FLRT1: variants seen among roughly 807,000 people sequenced by gnomAD.
FLRT1 encodes the protein fibronectin leucine rich transmembrane protein 1.
Under a neutral mutation model 30.9 loss-of-function variants are expected in FLRT1, and 14 were observed. The observed-to-expected ratio is 0.45, with a 90% CI of 0.30 to 0.71. The LOEUF is 0.71. Among genes scored for constraint, FLRT1 ranks in the 30% least tolerant of loss-of-function variants. The pLI, the probability that FLRT1 is intolerant of heterozygous loss-of-function variation, is 0.08. For missense variants in FLRT1, 737 were observed against 949.2 expected (o/e 0.78, Z 2.94); for synonymous variants, 368 against 430.4 (o/e 0.85, Z 1.80).
chr11:64,098,022 C>T (rs1944608223), intron 1 of FLRT1, among the ~76,000 whole-genome samples: 1 of 152,164 alleles, frequency 6.6e-6, no homozygotes, highest in African/African-American at 2.4e-5. Context: ...CCCTTCAACC[C>T]CTCACTGTAT....
At position 64,116,953 on chromosome 11, in the gene FLRT1, T is replaced by A; in HGVS notation, c.686T>A (p.Leu229Gln). Reference sequence around the variant, plus strand: ...CTCAACAGCCTGCGGCGCCTGGTGCTGGACGGTAACCTGCTGGCCAACCAG... The same window carrying A: ...CTCAACAGCCTGCGGCGCCTGGTGCAGGACGGTAACCTGCTGGCCAACCAG... ...KGLNSLRRLV[L>Q]DGNLLANQRI... The change falls in exon 3 of 3, where the codon CTG (leucine) becomes CAG (glutamine). Residue 229 changes from leucine (L) to glutamine (Q), a missense_variant. By Grantham distance (113) the Leu-to-Gln change is moderately radical. Coordinates refer to ENST00000682287, the MANE Select transcript of FLRT1 (RefSeq NM_013280.5). 1 of 1,611,760 alleles carries A rather than the reference T, an allele frequency of 6.2e-7. No homozygotes were observed. The highest frequency in any genetic ancestry group is 8.5e-7 in the Non-Finnish European group (1 of 1,179,992).
intron 1 of FLRT1, among the ~76,000 whole-genome samples, chr11:64,088,382 G>T (rs1198563822): frequency 6.6e-6 from 1 of 152,174 alleles, no homozygotes; most frequent in Non-Finnish European, 1.5e-5. Flanking sequence ...CTGTCTGCGG[G>T]CCTCGGGGTC....
intron 1 of FLRT1, among the ~76,000 whole-genome samples, chr11:64,051,532 G>T (rs1435826917): frequency 1.3e-5 from 2 of 152,216 alleles, no homozygotes; most frequent in Non-Finnish European, 2.9e-5. Context: ...AGAGCTGTCG[G>T]CCGGGCAGGC....
intron 1 of FLRT1, among the ~76,000 whole-genome samples, chr11:64,080,292 C>T (rs147600028): frequency 0.042 from 6,458 of 152,244 alleles, 451 homozygotes; most frequent in African/African-American, 0.15. Flanking sequence ...GGATTACAGA[C>T]GTGAGCCACT....
At chr11:64,087,478 A>G (rs959808731) in intron 1 of FLRT1, among the ~76,000 whole-genome samples, 2 of 152,206 alleles carry the variant, frequency 1.3e-5, no homozygotes, top group African/African-American at 4.8e-5. Context: ...GGCAGGGTCC[A>G]GTTGGCCACA....
intron 1 of FLRT1, among the ~76,000 whole-genome samples, chr11:64,055,916 G>T (rs1943777003): frequency 6.6e-6 from 1 of 152,214 alleles, no homozygotes; most frequent in Non-Finnish European, 1.5e-5. Context: ...GCAGGTGAGG[G>T]ACAGATGCCA....
At chr11:64,069,631 T>C (rs919625654) in intron 1 of FLRT1, among the ~76,000 whole-genome samples, 2 of 152,014 alleles carry the variant, frequency 1.3e-5, no homozygotes, top group African/African-American at 2.4e-5. Flanking sequence ...TGCAGTGGCC[T>C]GACCCCATCC....
chr11:64,070,603 C>T (rs1944090262), intron 1 of FLRT1, among the ~76,000 whole-genome samples: 1 of 152,202 alleles, frequency 6.6e-6, no homozygotes, highest in Non-Finnish European at 1.5e-5. Context: ...GGAGGGGCCC[C>T]CTTCCCAGAG....
intron 2 of FLRT1, among the ~76,000 whole-genome samples, chr11:64,110,774 G>A (rs149468798): frequency 2.6e-5 from 4 of 152,196 alleles, no homozygotes; most frequent in African/African-American, 4.8e-5. Context: ...AAAGATGGGC[G>A]ATTTACCAGG....
intron 1 of FLRT1, among the ~76,000 whole-genome samples, chr11:64,043,258 C>T (rs1590829621): frequency 6.6e-6 from 1 of 152,302 alleles, no homozygotes; most frequent in East Asian, 1.9e-4. Context: ...CAGACACGTG[C>T]TGGGATAATC....
chr11:64,106,363 CA>C (rs1268644234), intron 2 of FLRT1, among the ~76,000 whole-genome samples: 2 of 152,234 alleles, frequency 1.3e-5, no homozygotes, highest in Non-Finnish European at 2.9e-5. Flanking sequence ...GGTCTAGGTT[CA>C]GGGGCCTCCC....
intron 1 of FLRT1, among the ~76,000 whole-genome samples, chr11:64,071,671 C>A (rs1816407958): frequency 2.0e-5 from 3 of 152,160 alleles, no homozygotes; most frequent in Admixed American, 2.0e-4. Context: ...AACCACAGAG[C>A]CCCCCAGCTT....
chr11:64,087,767 C>A (rs754659781), intron 1 of FLRT1, among the ~76,000 whole-genome samples: 19 of 152,246 alleles, frequency 1.2e-4, no homozygotes, highest in Non-Finnish European at 2.9e-5. Flanking sequence ...ACGCTGTGCA[C>A]GTCTGAATGA....
chr11:64,098,578 C>T (rs563682165), intron 1 of FLRT1, among the ~76,000 whole-genome samples: 1 of 152,296 alleles, frequency 6.6e-6, no homozygotes, highest in East Asian at 1.9e-4. Flanking sequence ...GGATGGCCAT[C>T]CTGGTAGGGG....
Position 64,118,215 on chromosome 11 carries a change from A to C in FLRT1, c.1948A>C (p.Thr650Pro). The C allele has an allele frequency of 6.2e-7, 1 of 1,611,976 alleles. No individual in the cohort carries two copies. Among genetic ancestry groups the C allele is most frequent in the South Asian group, 1.1e-5 (1 of 91,006 alleles). ...CAACGGCAGCAGCCTCTGCAAGGCC[A>C]CACACACCATTGGCTACGGCACCAC... ...PSNGSSLCKA[T>P]HTIGYGTTRG... The change falls in exon 3 of 3, where the codon ACA becomes CCA. Residue 650 changes from threonine to proline, a missense_variant. Transcript: ENST00000682287.
chr11:64,047,145 G>A (rs1258231081), intron 1 of FLRT1, among the ~76,000 whole-genome samples: 2 of 152,032 alleles, frequency 1.3e-5, no homozygotes, highest in South Asian at 2.1e-4. Flanking sequence ...CATGAAAGGC[G>A]GTGCAGGTGG....
rs1009294330 is a variant in FLRT1 at position 64,067,226 on chromosome 11, G to A, written c.-1038+31067G>A. ...ATGGCAGATGGGAGGGGTGGGGAGA[G>A]GCCTTGCATGGCACCCACTCCCACC... On this transcript the variant is annotated intron_variant, in intron 1 of 2. Transcript: ENST00000682287. This position sits in a 1 kb window ranked among gnomAD's most constrained non-coding sequence, Gnocchi z 4.6. 6.6e-6 allele frequency among the ~76,000 whole-genome samples: 1 copy of A among 152,066 alleles called. No individual in the cohort carries two copies. Among genetic ancestry groups the A allele is most frequent in the African/African-American group, 2.4e-5 (1 of 41,384 alleles).
intron 1 of FLRT1, among the ~76,000 whole-genome samples, chr11:64,063,158 C>A (rs574920032): frequency 1.3e-5 from 2 of 152,264 alleles, no homozygotes; most frequent in East Asian, 3.9e-4. Flanking sequence ...GGCACAGATG[C>A]AGGAGCTGGG....
intron 1 of FLRT1, among the ~76,000 whole-genome samples, chr11:64,099,026 C>T (rs902691029): frequency 3.3e-5 from 5 of 152,242 alleles, no homozygotes; most frequent in African/African-American, 1.2e-4. Context: ...GCCTGAGGAT[C>T]GTTTCTACTT....
Sources: allele counts gnomAD v4.1 joint callset (sites outside exome capture counted in the v4.1 genomes callset), GRCh38; gene constraint gnomAD v4.1.1; non-coding constraint Gnocchi (gnomAD v3.1); transcripts MANE v1.5; gene names NCBI Gene and HGNC (gene_info 2026-07-23, HGNC 2026-07-21).